The following MYZAP variants were observed in gnomAD, a reference collection of about 807,000 sequenced individuals.
MYZAP encodes the protein myocardial zonula adherens protein, also known as GRINL1A complex locus upstream.
Under a neutral mutation model 69.4 loss-of-function variants are expected in MYZAP, and 66 were observed. That is an observed-to-expected ratio of 0.95 (90% CI 0.78 to 1.17). MYZAP has a LOEUF of 1.17. Among genes scored for constraint, MYZAP ranks in the 50% most tolerant of loss-of-function variants. The pLI is 0.00. For missense variants in MYZAP, 611 were observed against 556.2 expected (o/e 1.10, Z -0.99); for synonymous variants, 256 against 205.9 (o/e 1.24, Z -2.09).
chr15:57,625,147 C>T (rs1222165523), intron 4 of MYZAP, among the ~76,000 whole-genome samples: 1 of 151,490 alleles, frequency 6.6e-6, no homozygotes. Context: ...AACCTTGGCT[C>T]ACTGCAACCT....
chr15:57,660,229 T>C (rs2038216161), intron 10 of MYZAP, among the ~76,000 whole-genome samples: 2 of 152,146 alleles, frequency 1.3e-5, no homozygotes, highest in African/African-American at 4.8e-5. Flanking sequence ...AATTGCTGAG[T>C]CAAAGGGTTA....
chr15:57,671,955 A>T (rs1477459326), intron 11 of MYZAP, among the ~76,000 whole-genome samples: 1 of 152,146 alleles, frequency 6.6e-6, no homozygotes, highest in Non-Finnish European at 1.5e-5. Context: ...TATAAGCTGG[A>T]CATTGTGAGT....
At chr15:57,593,747 G>A (rs1430602176) in intron 1 of MYZAP, among the ~76,000 whole-genome samples, 2 of 152,210 alleles carry the variant, frequency 1.3e-5, no homozygotes, top group Non-Finnish European at 2.9e-5. Context: ...ATTCAGGGCT[G>A]TCCTGGGTAC....
rs2034601818 is a variant in MYZAP, at chr15:57,604,309, G to C, written c.116G>C (p.Ser39Thr). Reference protein sequence around the residue: ...CRLRLTVPPESPVPEQCEKKI... With the variant: ...CRLRLTVPPETPVPEQCEKKI... ...CTACGGCTGACCGTACCTCCTGAGAGTCCAGTTCCTGAGCAATGTGAAAAG... is the reference window on the plus strand; with the variant it reads ...CTACGGCTGACCGTACCTCCTGAGACTCCAGTTCCTGAGCAATGTGAAAAG... The change falls in exon 2 of 13, where the codon AGT (serine) becomes ACT (threonine). Residue 39 changes from serine (S) to threonine (T), a missense_variant. By Grantham distance (58) the Ser-to-Thr change is moderately conservative. Transcript: ENST00000267853. The C allele has an allele frequency of 6.2e-7, 1 of 1,614,200 alleles. No individual in the cohort carries two copies. Among genetic ancestry groups the C allele is most frequent in the Non-Finnish European group, 8.5e-7 (1 of 1,180,040 alleles).
At chr15:57,614,618 A>G (rs1297054146) in intron 2 of MYZAP, among the ~76,000 whole-genome samples, 1 of 152,184 alleles carries the variant, frequency 6.6e-6, no homozygotes, top group Non-Finnish European at 1.5e-5. Flanking sequence ...GGGGTTGGGG[A>G]TGGGCAGGGG....
intron 1 of MYZAP, among the ~76,000 whole-genome samples, chr15:57,592,858 G>C (rs1307915615): frequency 2.0e-5 from 3 of 152,134 alleles, no homozygotes; most frequent in Non-Finnish European, 4.4e-5. Context: ...GGCTTGGCTT[G>C]TGGCTTTTTA....
intron 10 of MYZAP, among the ~76,000 whole-genome samples, chr15:57,654,879 CTT>C (rs74476519): frequency 9.8e-5 from 14 of 142,620 alleles, no homozygotes; most frequent in Non-Finnish European, 1.1e-4. Context: ...ATTGGGGGGA[CTT>C]TTTTTTTTTT....
Position 57,661,476 on chromosome 15 carries a change from A to T in MYZAP, c.1146A>T (p.Gln382His). The T allele has an allele frequency of 6.2e-7, 1 of 1,609,162 alleles. No homozygotes were observed. The highest frequency in any genetic ancestry group is 8.5e-7 in the Non-Finnish European group (1 of 1,178,770). The change falls in exon 11 of 13, where the codon CAA becomes CAT. Residue 382 changes from glutamine to histidine, a missense_variant. By Grantham distance (24) the Gln-to-His change is conservative (BLOSUM62 0). Transcript: ENST00000267853. ...TTGAATCATTAAAGAAAAAGTTGCA[A>T]CAGAAACAGCTCTTAATACTGCAGC... ...EEIESLKKKLQQKQLLILQLL... is the reference protein window; with the variant it reads ...EEIESLKKKLHQKQLLILQLL...
chr15:57,608,302 G>A (rs777329820), intron 2 of MYZAP, among the ~76,000 whole-genome samples: 3 of 152,148 alleles, frequency 2.0e-5, no homozygotes, highest in African/African-American at 4.8e-5. Flanking sequence ...CCATTCTTCC[G>A]TTTGCTGTTC....
At chr15:57,643,792 A>T (rs1213381047) in intron 10 of MYZAP, among the ~76,000 whole-genome samples, 5 of 139,122 alleles carry the variant, frequency 3.6e-5, no homozygotes, top group African/African-American at 1.4e-4. Context: ...GCATCCTTTC[A>T]TTTTGTCATG....
intron 4 of MYZAP, 120 bp downstream of exon 4, chr15:57,621,820 T>C (rs1396922115): frequency 2.3e-6 from 2 of 873,186 alleles, no homozygotes; most frequent in African/African-American, 3.5e-5. Context: ...AGAATTACAT[T>C]TTAAATAAAC....
intron 6 of MYZAP, among the ~76,000 whole-genome samples, chr15:57,631,485 G>T (rs1377600466): frequency 6.7e-6 from 1 of 148,150 alleles, no homozygotes; most frequent in Non-Finnish European, 1.5e-5. Flanking sequence ...AAAAGCTTCA[G>T]GAACTCAGGG....
chr15:57,637,794 G>T lies in MYZAP; in HGVS notation c.1013+20G>T. ...GGAAAGGTAAGACGTAATGCCTTTC[G>T]TCTTGTAATGGATTTAGGTTGTGGA... On this transcript the variant is annotated intron_variant, in intron 9 of 12. Coordinates refer to ENST00000267853, the MANE Select transcript of MYZAP (RefSeq NM_001018100.5). 6.3e-7 allele frequency: 1 copy of T among 1,593,900 alleles called. No homozygotes were observed.
intron 12 of MYZAP, among the ~76,000 whole-genome samples, chr15:57,677,399 G>C (rs1448490953): frequency 6.6e-6 from 1 of 152,194 alleles, no homozygotes; most frequent in Non-Finnish European, 1.5e-5. Context: ...GGCTCAGAGA[G>C]ATCAAGTGAT....
At chr15:57,605,242 C>T (rs1346511861) in intron 2 of MYZAP, among the ~76,000 whole-genome samples, 1 of 151,958 alleles carries the variant, frequency 6.6e-6, no homozygotes, top group East Asian at 1.9e-4. Flanking sequence ...TGGAAGTAAA[C>T]AAAATAATTA....
intron 5 of MYZAP, among the ~76,000 whole-genome samples, chr15:57,626,361 A>C (rs182350261): frequency 6.6e-6 from 1 of 152,358 alleles, no homozygotes; most frequent in African/African-American, 2.4e-5. Flanking sequence ...ATCAGAAAGA[A>C]TCATGGATAT....
intron 10 of MYZAP, among the ~76,000 whole-genome samples, chr15:57,659,615 G>T (rs1055570348): frequency 7.2e-5 from 11 of 152,098 alleles, no homozygotes; most frequent in African/African-American, 2.7e-4. Flanking sequence ...TTACTTTGCA[G>T]CTCTATTTAT....
rs923183174 is a variant in MYZAP at position 57,592,195 on chromosome 15, G to C, written c.75+86G>C. 6.7e-6 allele frequency: 8 copies of C among 1,186,466 alleles called. No homozygotes were observed. The African/African-American group carries it at 1.3e-4, about 19-fold the overall frequency. 73.5% of individuals were successfully genotyped at this position (1,186,466 alleles called of 1,614,324 possible). A position where few individuals can be genotyped will look rare whatever the true frequency, so the allele number is the denominator to read the frequency against. On this transcript the variant is annotated intron_variant, in intron 1 of 12. Coordinates refer to ENST00000267853, the MANE Select transcript of MYZAP (RefSeq NM_001018100.5). ...GAGGGGACTAGGGATGGGAAAGCTC[G>C]GGAGCCAGCACCTGGCCCCGACGCC...
Position 57,618,139 on chromosome 15 carries a change from A to C in MYZAP, c.269A>C (p.Tyr90Ser), listed in dbSNP as rs1296548468. Residue 90 changes from tyrosine to serine, a missense_variant, in exon 3 of 13, where the codon TAT becomes TCT. Coordinates refer to ENST00000267853, the MANE Select transcript of MYZAP (RefSeq NM_001018100.5). ...AATCAGCAGAAAGAAATGGTGGTGTATGGGTGGTCCACCAGTCAGCTGAAA... is the reference window on the plus strand; with the variant it reads ...AATCAGCAGAAAGAAATGGTGGTGTCTGGGTGGTCCACCAGTCAGCTGAAA... ...DQNQQKEMVV[Y>S]GWSTSQLKEE... 1 of 1,614,062 alleles carries C rather than the reference A, an allele frequency of 6.2e-7. No homozygotes were observed.
Sources: allele counts gnomAD v4.1 joint callset (sites outside exome capture counted in the v4.1 genomes callset), GRCh38; gene constraint gnomAD v4.1.1; transcripts MANE v1.5; gene names NCBI Gene and HGNC (gene_info 2026-07-23, HGNC 2026-07-21).